The following EML1 variants were observed in gnomAD, a reference collection of about 807,000 sequenced individuals.
EML1 encodes EMAP like 1.
In EML1, 27 loss-of-function variants were observed where a neutral mutation model predicts 110.4. The ratio of observed to expected loss-of-function variants is 0.24; its 90% CI spans 0.18 to 0.34. EML1 has a LOEUF of 0.34. Among genes scored for constraint, EML1 ranks in the 10% least tolerant of loss-of-function variants. The probability of loss-of-function intolerance (pLI) is 1.00; values close to 1 mark genes in which losing one functional copy is unlikely to be tolerated. For missense variants in EML1, 741 were observed against 1,030.9 expected (o/e 0.72, Z 3.85); for synonymous variants, 344 against 385.8 (o/e 0.89, Z 1.27).
chr14:99,898,124 G>A, intron 7 of EML1, 109 bp from the exon 8 acceptor site: 1 of 815,984 alleles, frequency 1.2e-6, no homozygotes, highest in East Asian at 3.0e-5. Flanking sequence ...TAAGAAGTTA[G>A]GCATTATATA....
chr14:99,887,389 T>C (rs1385582533), intron 4 of EML1, among the ~76,000 whole-genome samples: 1 of 152,160 alleles, frequency 6.6e-6, no homozygotes. Flanking sequence ...GCAAATCCTT[T>C]CTCTCCTCCA....
At chr14:99,840,285 A>T (rs1400482654) in intron 1 of EML1, among the ~76,000 whole-genome samples, 1 of 152,230 alleles carries the variant, frequency 6.6e-6, no homozygotes, top group Non-Finnish European at 1.5e-5. Context: ...TAAAAATTCT[A>T]TGTGTATTTT....
intron 17 of EML1, among the ~76,000 whole-genome samples, chr14:99,932,670 G>T (rs1231121771): frequency 1.3e-5 from 2 of 149,082 alleles, no homozygotes; most frequent in Non-Finnish European, 3.0e-5. Context: ...AAAAGATATG[G>T]CGATGGTGAT....
intron 1 of EML1, among the ~76,000 whole-genome samples, chr14:99,842,654 C>CT (rs2058651243): frequency 1.3e-5 from 2 of 152,094 alleles, no homozygotes; most frequent in African/African-American, 4.8e-5. Flanking sequence ...TAAAATCAAA[C>CT]TTTTTCCTAT....
At chr14:99,785,124 G>A (rs1219033156) in intron 1 of EML1, among the ~76,000 whole-genome samples, 3 of 151,476 alleles carry the variant, frequency 2.0e-5, no homozygotes, top group African/African-American at 7.3e-5. Flanking sequence ...GCATGATCTC[G>A]GCTCACTGCA....
chr14:99,752,803 G>A (rs1200883636), intron 1 of EML1, among the ~76,000 whole-genome samples: 1 of 152,172 alleles, frequency 6.6e-6, no homozygotes, highest in Admixed American at 6.5e-5. Context: ...AGCACAGGGG[G>A]CCTGGTTTCC....
In EML1 at chr14:99,897,335, A is replaced by G. The variant is rs2273706; in HGVS notation, c.827+41A>G. On this transcript the variant is annotated intron_variant, in intron 7 of 21. Coordinates refer to ENST00000262233, the MANE Select transcript of EML1 (RefSeq NM_004434.3). ...GGTCATTCCTGCGACTCAGAAGGCG[A>G]AGGTAGGAGGATCGCTTGAGGCCAG... is the stretch of plus-strand genomic sequence containing the variant. The G allele has an allele frequency of 0.52, 802,517 of 1,550,012 alleles. 209,783 individuals carry two copies. The highest frequency in any genetic ancestry group is 0.67 in the African/African-American group (48,663 of 72,552).
At chr14:99,768,993 C>T (rs1480903531), upstream of EML1, among the ~76,000 whole-genome samples, 1 of 152,160 alleles carries the variant, frequency 6.6e-6, no homozygotes, top group African/African-American at 2.4e-5. Flanking sequence ...GCTGGGATTA[C>T]AGGCGTAAGC....
chr14:99,787,174 A>T (rs1313956078), intron 1 of EML1, among the ~76,000 whole-genome samples: 3 of 152,104 alleles, frequency 2.0e-5, no homozygotes, highest in Non-Finnish European at 2.9e-5. Context: ...TTTGTAGAGT[A>T]ACAATTTTAT....
Position 99,798,613 on chromosome 14 carries a change from A to G in EML1, c.67+5070A>G, listed in dbSNP as rs551252509. On this transcript the variant is annotated intron_variant, in intron 1 of 21. Coordinates refer to ENST00000262233, the MANE Select transcript of EML1 (RefSeq NM_004434.3). ...CACCATGTTGGCCAGGCTGGTCTCGAAGTCATGACCTCAGGTGATCTACCC... is the reference window on the plus strand; with the variant it reads ...CACCATGTTGGCCAGGCTGGTCTCGGAGTCATGACCTCAGGTGATCTACCC... Among the ~76,000 whole-genome samples the G allele has an allele frequency of 3.6e-3, 554 of 152,182 alleles. 8 individuals are homozygous for G. Among genetic ancestry groups the G allele is most frequent in the African/African-American group, 0.013 (538 of 41,522 alleles).
intron 3 of EML1, among the ~76,000 whole-genome samples, chr14:99,873,000 T>C (rs1425264476): frequency 1.3e-5 from 2 of 152,172 alleles, no homozygotes; most frequent in African/African-American, 2.4e-5. Flanking sequence ...AAGACTTCGA[T>C]TGAGGGCTTG....
chr14:99,745,601 C>T (rs2057099262), intron 1 of EML1, among the ~76,000 whole-genome samples: 1 of 152,282 alleles, frequency 6.6e-6, no homozygotes, highest in East Asian at 1.9e-4. Context: ...AGAAATAAAA[C>T]CAGAATTGGA....
chr14:99,880,977 A>T (rs950690618), intron 4 of EML1, among the ~76,000 whole-genome samples: 2 of 152,214 alleles, frequency 1.3e-5, no homozygotes, highest in African/African-American at 4.8e-5. Flanking sequence ...TATTTTCCTC[A>T]TTTGTAAGAT....
At chr14:99,937,509 G>A (rs1013377377) in intron 19 of EML1, among the ~76,000 whole-genome samples, 1 of 152,196 alleles carries the variant, frequency 6.6e-6, no homozygotes, top group Non-Finnish European at 1.5e-5. Context: ...GGGCTCGGGT[G>A]GGGGTGGGCA....
At chr14:99,849,557 G>A (rs56016866) in intron 1 of EML1, among the ~76,000 whole-genome samples, 37,544 of 149,884 alleles carry the variant, frequency 0.25, 5,107 homozygotes, top group Non-Finnish European at 0.3. Context: ...TTATTTATTT[G>A]TTTATTTTGA....
chr14:99,819,375 A>G (rs1227629204), intron 1 of EML1, among the ~76,000 whole-genome samples: 1 of 152,240 alleles, frequency 6.6e-6, no homozygotes, highest in South Asian at 2.1e-4. Flanking sequence ...TGGTAAAAAT[A>G]CCAATTACAG....
chr14:99,826,398 C>T (rs1236383800), intron 1 of EML1, among the ~76,000 whole-genome samples: 1 of 152,128 alleles, frequency 6.6e-6, no homozygotes, highest in Non-Finnish European at 1.5e-5. Flanking sequence ...CAGGCGTGAG[C>T]CACTGTGCCC....
At position 99,834,769 on chromosome 14, in the gene EML1, T is replaced by C. The variant is rs546408203; in HGVS notation, c.68-16084T>C. Among the ~76,000 whole-genome samples the C allele has an allele frequency of 3.3e-5, 5 of 152,334 alleles. No individual in the cohort carries two copies. The South Asian group carries it at 1.0e-3, about 32-fold the overall frequency. ...TAACATTATTTTTTCCTGAAATATT[T>C]GGTAGAATTCACCAGTGAGGTTATC... On this transcript the variant is annotated intron_variant, in intron 1 of 21. Transcript: ENST00000262233.
chr14:99,780,112 T>C (rs993289169), intron 1 of EML1, among the ~76,000 whole-genome samples: 4 of 152,180 alleles, frequency 2.6e-5, no homozygotes, highest in South Asian at 2.1e-4. Context: ...GTAAGAGATA[T>C]ATCTCTCTCT....
Sources: gnomAD v4.1 joint callset for allele counts (sites outside exome capture counted in the v4.1 genomes callset) on GRCh38, gnomAD v4.1.1 for gene constraint, MANE v1.5 for transcripts, NCBI Gene and HGNC (gene_info 2026-07-23, HGNC 2026-07-21) for gene names.